Variants in CCDC73 observed in about 807,000 individuals in gnomAD.
CCDC73 encodes coiled-coil domain-containing protein 73.
In CCDC73, 95 loss-of-function variants were observed where a neutral mutation model predicts 116.5. The ratio of observed to expected loss-of-function variants is 0.82; its 90% CI spans 0.69 to 0.97. The LOEUF (loss-of-function observed/expected upper bound fraction) is 0.97, where lower values mean the gene tolerates loss of function less well. Ranked by LOEUF, CCDC73 falls within the 50% of genes least tolerant of loss-of-function variation. CCDC73 has a pLI of 0.00. For synonymous variants in CCDC73, 398 were observed against 401.3 expected (o/e 0.99, Z 0.10); for missense variants, 1,066 against 1,206.8 (o/e 0.88, Z 1.73).
chr11:32,791,213 A>G (rs1053058740), intron 1 of CCDC73, among the ~76,000 whole-genome samples: 2 of 152,242 alleles, frequency 1.3e-5, no homozygotes, highest in Non-Finnish European at 2.9e-5. Context: ...AATATTAGCA[A>G]ATAAACGAAT....
intron 7 of CCDC73, chr11:32,680,152 C>A (rs1014234367): frequency 2.0e-5 from 3 of 152,082 alleles, no homozygotes; most frequent in African/African-American, 7.2e-5. Context: ...GTCCAGTTTG[C>A]CACTAATTTC....
chr11:32,673,987 G>A (rs1856062106), intron 9 of CCDC73, among the ~76,000 whole-genome samples: 1 of 152,106 alleles, frequency 6.6e-6, no homozygotes, highest in Non-Finnish European at 1.5e-5. Flanking sequence ...ATCTCAGAGG[G>A]AAGGAACAGG....
chr11:32,713,179 G>T (rs919309519), intron 3 of CCDC73, among the ~76,000 whole-genome samples: 3 of 151,962 alleles, frequency 2.0e-5, no homozygotes, highest in African/African-American at 7.2e-5. Flanking sequence ...AAGTGAAATG[G>T]AAAAAATATC....
chr11:32,802,804 G>A, the CCDC73 span, among the ~76,000 whole-genome samples: 1 of 152,152 alleles, frequency 6.6e-6, no homozygotes, highest in African/African-American at 2.4e-5. Context: ...CCAGGCTGGA[G>A]TGCAGTGGCA....
intron 1 of CCDC73, among the ~76,000 whole-genome samples, chr11:32,788,497 C>A (rs1284099891): frequency 3.5e-5 from 5 of 140,926 alleles, no homozygotes; most frequent in Admixed American, 7.2e-5. Flanking sequence ...TTTTTTGAGA[C>A]AGGGTCTTGC....
chr11:32,663,896 T>C (rs1462983932), intron 9 of CCDC73, among the ~76,000 whole-genome samples: 10 of 152,224 alleles, frequency 6.6e-5, no homozygotes, highest in Admixed American at 3.9e-4. Context: ...TGAAGGGCTG[T>C]TGAATTTTGT....
chr11:32,705,517 C>T (rs1045150683), intron 3 of CCDC73, among the ~76,000 whole-genome samples: 1 of 152,184 alleles, frequency 6.6e-6, no homozygotes, highest in Non-Finnish European at 1.5e-5. Flanking sequence ...CAGCCGGACC[C>T]CACGCTCACT....
intron 9 of CCDC73, among the ~76,000 whole-genome samples, chr11:32,665,132 C>A (rs1271232644): frequency 3.3e-5 from 5 of 152,208 alleles, no homozygotes; most frequent in Admixed American, 6.5e-5. Context: ...AATGTATATT[C>A]TGTTGATTTG....
At chr11:32,717,937 T>C (rs1849959578) in intron 3 of CCDC73, 139 bp downstream of exon 3, 1 of 572,776 alleles carries the variant, frequency 1.7e-6, no homozygotes, top group South Asian at 2.4e-5. Flanking sequence ...ATGAGAACTA[T>C]CAGGAGAACA....
intron 1 of CCDC73, among the ~76,000 whole-genome samples, chr11:32,790,164 T>C (rs902610427): frequency 2.0e-5 from 3 of 152,208 alleles, no homozygotes; most frequent in Admixed American, 6.5e-5. Flanking sequence ...TTTTATGTTA[T>C]GTTAAGGAGG....
intron 6 of CCDC73, among the ~76,000 whole-genome samples, chr11:32,689,468 T>G (rs1856234463): frequency 6.6e-6 from 1 of 152,038 alleles, no homozygotes; most frequent in African/African-American, 2.4e-5. Context: ...ACAGGAAGAC[T>G]TGTACACACC....
At chr11:32,732,611 C>A (rs1009446653) in intron 2 of CCDC73, among the ~76,000 whole-genome samples, 4 of 152,240 alleles carry the variant, frequency 2.6e-5, no homozygotes, top group Middle Eastern at 3.4e-3. Flanking sequence ...GGGGGCCAAT[C>A]TTCAACATTC....
intron 3 of CCDC73, among the ~76,000 whole-genome samples, chr11:32,712,788 C>G (rs200487309): frequency 6.6e-6 from 1 of 151,280 alleles, no homozygotes; most frequent in Admixed American, 6.6e-5. Context: ...TATATATACA[C>G]TTCATTTTAT....
At chr11:32,676,045 T>A in intron 7 of CCDC73, 24 bp from the exon 8 acceptor site, 1 of 1,566,480 alleles carries the variant, frequency 6.4e-7, no homozygotes, top group Non-Finnish European at 8.6e-7. Context: ...TAATTTTAAA[T>A]GTTATACATA....
In CCDC73 at chr11:32,675,944, G is replaced by T. The variant is rs1362717068; in HGVS notation, c.507C>A (p.Ala169=). Reference sequence around the variant, plus strand: ...CCAATCCAAATTGACCTGTTATTGTGGCATAATATTTCTCAATTTCACTCA... The same window carrying T: ...CCAATCCAAATTGACCTGTTATTGTTGCATAATATTTCTCAATTTCACTCA... ...KQLSEIEKYY[A]TITGQFGLVK... Residue 169 remains alanine (A), a synonymous_variant, in exon 8 of 18, where the codon GCC becomes GCA. Transcript: ENST00000335185. 1 of 1,607,782 alleles carries T rather than the reference G, an allele frequency of 6.2e-7. No individual in the cohort carries two copies. Among genetic ancestry groups the T allele is most frequent in the East Asian group, 2.2e-5 (1 of 44,508 alleles).
intron 1 of CCDC73, among the ~76,000 whole-genome samples, chr11:32,792,122 T>C (rs962741683): frequency 1.3e-5 from 2 of 152,118 alleles, no homozygotes; most frequent in Non-Finnish European, 2.9e-5. Flanking sequence ...CTTTCAACTA[T>C]AGCTCTAACA....
At chr11:32,748,439 CAAT>C (rs1321608741) in intron 2 of CCDC73, among the ~76,000 whole-genome samples, 24 of 152,142 alleles carry the variant, frequency 1.6e-4, no homozygotes, top group African/African-American at 5.5e-4. Context: ...TATAAAAACT[CAAT>C]AATTTAACTT....
intron 7 of CCDC73, 159 bp downstream of exon 7, chr11:32,683,377 G>A: frequency 1.6e-6 from 1 of 642,026 alleles, no homozygotes; most frequent in East Asian, 2.9e-5. Context: ...TATGCAACAT[G>A]TGAAATTGCA....
intron 14 of CCDC73, among the ~76,000 whole-genome samples, chr11:32,626,983 T>C (rs1186886956): frequency 6.6e-6 from 1 of 151,486 alleles, no homozygotes; most frequent in African/African-American, 2.4e-5. Context: ...TGGGATCTAA[T>C]TAAAGAGCTT....
Sources: allele counts gnomAD v4.1 joint callset (sites outside exome capture counted in the v4.1 genomes callset), GRCh38; gene constraint gnomAD v4.1.1; transcripts MANE v1.5; gene names NCBI Gene and HGNC (gene_info 2026-07-23, HGNC 2026-07-21).